Variants in ADGRL3 observed in about 807,000 individuals in gnomAD.
The protein encoded by ADGRL3 is adhesion G protein-coupled receptor L3.
In ADGRL3, 62 loss-of-function variants were observed where a neutral mutation model predicts 153.5. The observed-to-expected ratio is 0.40, with a 90% CI of 0.33 to 0.50. The LOEUF (loss-of-function observed/expected upper bound fraction) is 0.50, where lower values mean the gene tolerates loss of function less well. Ranked by LOEUF, ADGRL3 falls within the 20% of genes least tolerant of loss-of-function variation. The pLI is 0.47. For missense variants in ADGRL3, 1,641 were observed against 1,859.4 expected (o/e 0.88, Z 2.16); for synonymous variants, 710 against 672.5 (o/e 1.06, Z -0.86).
intron 8 of ADGRL3, among the ~76,000 whole-genome samples, chr4:61,785,328 T>C (rs1304676359): frequency 6.6e-6 from 1 of 152,182 alleles, no homozygotes; most frequent in Non-Finnish European, 1.5e-5. Flanking sequence ...TCTGCAGTGC[T>C]CCAAATCTTG....
chr4:61,579,603 A>G (rs559339616), intron 4 of ADGRL3: 2 of 515,198 alleles, frequency 3.9e-6, no homozygotes, highest in African/African-American at 1.9e-5. Flanking sequence ...GATGAGGTTC[A>G]TGATGAAGCT....
intron 5 of ADGRL3, among the ~76,000 whole-genome samples, chr4:61,625,524 A>C (rs1346206903): frequency 6.6e-6 from 1 of 152,042 alleles, no homozygotes; most frequent in Non-Finnish European, 1.5e-5. Flanking sequence ...TACGTTGCTA[A>C]TTTATAATTT....
intron 9 of ADGRL3, among the ~76,000 whole-genome samples, chr4:61,814,837 C>T (rs1049225834): frequency 2.6e-5 from 4 of 152,022 alleles, no homozygotes; most frequent in Non-Finnish European, 5.9e-5. Context: ...CCTATGTGCA[C>T]GTGTCAGTTT....
At chr4:61,880,831 A>T (rs1189937882) in intron 9 of ADGRL3, among the ~76,000 whole-genome samples, 1 of 152,202 alleles carries the variant, frequency 6.6e-6, no homozygotes, top group Non-Finnish European at 1.5e-5. Flanking sequence ...AATTACTTGA[A>T]AAAAATGAAA....
At chr4:61,947,702 C>T (rs552997278) in intron 16 of ADGRL3, among the ~76,000 whole-genome samples, 3 of 152,220 alleles carry the variant, frequency 2.0e-5, no homozygotes, top group South Asian at 2.1e-4. Context: ...ATTATGTCCA[C>T]GTGAAGATAT....
chr4:61,266,632 G>T (rs925432143), intron 1 of ADGRL3, among the ~76,000 whole-genome samples: 3 of 151,646 alleles, frequency 2.0e-5, no homozygotes, highest in Non-Finnish European at 3.0e-5. Context: ...AAAACATAGC[G>T]ATACAAATTT....
In ADGRL3 at chr4:61,273,575, A is replaced by G. The variant is rs560232176; in HGVS notation, c.-240+71810A>G. ...CTAGCCAACGTTAAAAGAAAAAGAA[A>G]AAAGAAGAAGTAGCATTAGAAAATG... On this transcript the variant is annotated intron_variant, in intron 1 of 26. Transcript: ENST00000683033. 3.0e-4 allele frequency among the ~76,000 whole-genome samples: 45 copies of G among 152,044 alleles called. No homozygotes were observed. The South Asian group carries it at 9.1e-3, about 31-fold the overall frequency.
chr4:61,786,985 A>T (rs1160588947), intron 8 of ADGRL3, among the ~76,000 whole-genome samples: 1 of 152,204 alleles, frequency 6.6e-6, no homozygotes, highest in East Asian at 1.9e-4. Context: ...GCTAAGACTG[A>T]TGGCATTCAT....
intron 4 of ADGRL3, among the ~76,000 whole-genome samples, chr4:61,550,595 A>G (rs17828396): frequency 0.19 from 28,246 of 151,708 alleles, 2,998 homozygotes; most frequent in Non-Finnish European, 0.24. Context: ...GGGAGTGGTG[A>G]ATCAGTGATA....
intron 4 of ADGRL3, among the ~76,000 whole-genome samples, chr4:61,560,584 TGGAGAAACA>T (rs1399572982): frequency 6.6e-6 from 1 of 152,140 alleles, no homozygotes; most frequent in African/African-American, 2.4e-5. Flanking sequence ...TTAGCAGGGA[TGGAGAAACA>T]CAGTCCTACT....
At chr4:61,780,856 A>T (rs1208830193) in intron 8 of ADGRL3, among the ~76,000 whole-genome samples, 1 of 152,216 alleles carries the variant, frequency 6.6e-6, no homozygotes, top group African/African-American at 2.4e-5. Context: ...TGTTTGTTCC[A>T]GACCCTGTTG....
chr4:61,811,841 G>A (rs1286430543), intron 8 of ADGRL3, among the ~76,000 whole-genome samples: 7 of 152,080 alleles, frequency 4.6e-5, no homozygotes, highest in Non-Finnish European at 1.5e-5. Flanking sequence ...AGGAGATTAG[G>A]TATGTATGAG....
At chr4:61,905,876 C>G (rs1327692858) in intron 11 of ADGRL3, among the ~76,000 whole-genome samples, 1 of 145,854 alleles carries the variant, frequency 6.9e-6, no homozygotes, top group East Asian at 2.0e-4. Flanking sequence ...GCCTCAGAGA[C>G]AGAGGAAGAC....
chr4:61,847,837 ATATAATATAAAATATAT>A, intron 9 of ADGRL3, among the ~76,000 whole-genome samples: 1 of 13,526 alleles, frequency 7.4e-5, no homozygotes, highest in South Asian at 1.8e-3. Flanking sequence ...TAAAATATAT[ATATAATATAAAATATAT>A]TATATATAAT....
intron 1 of ADGRL3, among the ~76,000 whole-genome samples, chr4:61,207,472 A>C (rs1737860184): frequency 6.6e-6 from 1 of 152,222 alleles, no homozygotes; most frequent in South Asian, 2.1e-4. Flanking sequence ...GGTTGGTTCC[A>C]AGTCTTTGCC....
chr4:61,774,125 C>G (rs939082140), intron 8 of ADGRL3, among the ~76,000 whole-genome samples: 2 of 151,910 alleles, frequency 1.3e-5, no homozygotes, highest in Non-Finnish European at 2.9e-5. Context: ...GGGGCTGAGG[C>G]AGGAGGATCA....
chr4:61,258,114 A>G (rs959732681), intron 1 of ADGRL3, among the ~76,000 whole-genome samples: 2 of 152,150 alleles, frequency 1.3e-5, no homozygotes, highest in African/African-American at 4.8e-5. Context: ...ACTGATTATC[A>G]CAAGAGATCT....
intron 6 of ADGRL3, among the ~76,000 whole-genome samples, chr4:61,684,561 C>G (rs952920013): frequency 6.6e-6 from 1 of 151,976 alleles, no homozygotes; most frequent in Admixed American, 6.6e-5. Flanking sequence ...ATCAGATCCC[C>G]GTAAAGACTT....
intron 1 of ADGRL3, among the ~76,000 whole-genome samples, chr4:61,228,343 T>C (rs1748923846): frequency 6.6e-6 from 1 of 152,200 alleles, no homozygotes; most frequent in African/African-American, 2.4e-5. Flanking sequence ...GATACTAACA[T>C]TTTATTTTTA....
Sources: gnomAD v4.1 joint callset for allele counts (sites outside exome capture counted in the v4.1 genomes callset) on GRCh38, gnomAD v4.1.1 for gene constraint, MANE v1.5 for transcripts, NCBI Gene and HGNC (gene_info 2026-07-23, HGNC 2026-07-21) for gene names.